SPART: variants seen among roughly 807,000 people sequenced by gnomAD.
SPART encodes the protein spartin.
SPART carries 35 observed loss-of-function variants against 58.7 expected under a neutral mutation model. The observed-to-expected ratio is 0.60, with a 90% CI of 0.46 to 0.79. The LOEUF (loss-of-function observed/expected upper bound fraction) is 0.79, where lower values mean the gene tolerates loss of function less well. Among genes scored for constraint, SPART ranks in the 30% least tolerant of loss-of-function variants. SPART has a pLI of 0.00. For synonymous variants in SPART, 284 were observed against 280.7 expected, an observed-to-expected ratio of 1.01 and a Z score of -0.12; for missense variants, 730 against 786.1, an observed-to-expected ratio of 0.93 and a Z score of 0.85.
At chr13:36,360,034 G>A (rs1243775112) in intron 1 of SPART, among the ~76,000 whole-genome samples, 3 of 151,766 alleles carry the variant, frequency 2.0e-5, no homozygotes, top group Admixed American at 2.0e-4. Flanking sequence ...GGTGGCTCAT[G>A]CCTGTAATCC....
chr13:36,322,164 G>C (rs1294122486), intron 5 of SPART, among the ~76,000 whole-genome samples: 2 of 152,162 alleles, frequency 1.3e-5, no homozygotes, highest in African/African-American at 4.8e-5. Context: ...AAGCCCGTTT[G>C]GTGGTCTCTT....
chr13:36,316,363 C>T (rs960933003), intron 5 of SPART, among the ~76,000 whole-genome samples: 2 of 152,232 alleles, frequency 1.3e-5, no homozygotes, highest in East Asian at 3.8e-4. Context: ...ATCGCATCCC[C>T]TGTGACTTGC....
In SPART at chr13:36,331,533, C is replaced by T. The variant is rs755913497; in HGVS notation, c.874G>A (p.Ala292Thr). 1 of 1,613,854 alleles carries T rather than the reference C, an allele frequency of 6.2e-7. No individual in the cohort carries two copies. Among genetic ancestry groups the T allele is most frequent in the African/African-American group, 1.3e-5 (1 of 74,850 alleles). Residue 292 changes from alanine (A) to threonine (T), a missense_variant, in exon 3 of 9, where the codon GCC becomes ACC. Coordinates refer to ENST00000438666, the MANE Select transcript of SPART (RefSeq NM_015087.5). ...RSPVLKCTAG[A>T]YMFPDTMLQA... is the part of the protein sequence containing the mutation. ...AGCATTGTATCAGGAAACATGTAGG[C>T]TCCCGCAGTACATTTCAGAACCGGA...
chr13:36,345,297 G>C (rs1318617390), intron 1 of SPART, among the ~76,000 whole-genome samples: 1 of 152,116 alleles, frequency 6.6e-6, no homozygotes, highest in African/African-American at 2.4e-5. Flanking sequence ...TTACAGAAAG[G>C]CTTCCTGTTT....
chr13:36,334,232 T>C (rs1286494288), intron 2 of SPART, among the ~76,000 whole-genome samples: 1 of 152,182 alleles, frequency 6.6e-6, no homozygotes, highest in Admixed American at 6.5e-5. Context: ...AGACTGTCAC[T>C]GGACCACTCT....
At chr13:36,361,928 T>G (rs1428999891) in intron 1 of SPART, among the ~76,000 whole-genome samples, 3 of 152,204 alleles carry the variant, frequency 2.0e-5, no homozygotes, top group African/African-American at 7.2e-5. Context: ...ATAAAAAGAT[T>G]TTATGCCTGT....
chr13:36,362,125 C>T (rs759033310), intron 1 of SPART, among the ~76,000 whole-genome samples: 13 of 151,876 alleles, frequency 8.6e-5, no homozygotes, highest in South Asian at 2.1e-4. Flanking sequence ...CTGAGATGGG[C>T]GGATCACCTG....
chr13:36,340,769 A>G (rs1884499714), intron 1 of SPART, among the ~76,000 whole-genome samples: 1 of 149,790 alleles, frequency 6.7e-6, no homozygotes, highest in African/African-American at 2.5e-5. Context: ...ATGTGATTGT[A>G]AGCTCTGAAA....
upstream of SPART, among the ~76,000 whole-genome samples, chr13:36,349,916 A>C (rs556534478): frequency 1.3e-5 from 2 of 152,258 alleles, no homozygotes; most frequent in Admixed American, 6.5e-5. Flanking sequence ...CAGCTTTTTT[A>C]AATTAGTAAT....
At chr13:36,367,134 G>C (rs1203361107) in intron 1 of SPART, among the ~76,000 whole-genome samples, 1 of 152,108 alleles carries the variant, frequency 6.6e-6, no homozygotes, top group Non-Finnish European at 1.5e-5. Flanking sequence ...GGAAGTTTTC[G>C]GTTTTTAAAG....
intron 1 of SPART, among the ~76,000 whole-genome samples, chr13:36,354,959 G>C (rs1185813868): frequency 6.6e-6 from 1 of 152,202 alleles, no homozygotes; most frequent in Non-Finnish European, 1.5e-5. Flanking sequence ...AGAAGACAAG[G>C]TAAAAGTAGA....
chr13:36,314,199 A>G (rs1222083871), intron 6 of SPART, 28 bp downstream of exon 6: 2 of 1,600,108 alleles, frequency 1.2e-6, no homozygotes, highest in African/African-American at 2.7e-5. Flanking sequence ...ATAACTTTAA[A>G]AAGTAAAGTT....
intron 1 of SPART, among the ~76,000 whole-genome samples, chr13:36,340,123 G>A (rs188101259): frequency 1.3e-5 from 2 of 151,768 alleles, no homozygotes; most frequent in Admixed American, 1.3e-4. Flanking sequence ...AAAAAAAGGG[G>A]AGGCTGAGGT....
rs141655143 is a variant in SPART, at chr13:36,355,984, G to C, written c.-3+14105C>G. Among the ~76,000 whole-genome samples, 1,362 of 152,308 alleles carry C rather than the reference G, an allele frequency of 8.9e-3. 24 individuals carry two copies. The highest frequency in any genetic ancestry group is 0.031 in the African/African-American group (1,299 of 41,558). ...AGAATATACACAAATCCTTTGGGAA[G>C]GCCTGAGGGTTTTTACATATAGTAC... On this transcript the variant is annotated intron_variant, in intron 1 of 8. Coordinates refer to the SPART transcript ENST00000355182.
rs555400465 is a variant in SPART, at chr13:36,341,277, G to A, written c.-3+4948C>T. Reference sequence around the variant, plus strand: ...CAACTATGTCAAACAGAACTGTAATGCAAGCCACATATGTAATTTATACTT... The same window carrying A: ...CAACTATGTCAAACAGAACTGTAATACAAGCCACATATGTAATTTATACTT... On this transcript the variant is annotated intron_variant, in intron 1 of 8. Transcript: ENST00000438666. Among the ~76,000 whole-genome samples, 5 of 152,244 alleles carry A rather than the reference G, an allele frequency of 3.3e-5. No individual in the cohort carries two copies. The East Asian group carries it at 7.7e-4, about 23-fold the overall frequency.
chr13:36,334,578 G>C (rs1231014409), intron 2 of SPART, among the ~76,000 whole-genome samples: 1 of 152,094 alleles, frequency 6.6e-6, no homozygotes, highest in Non-Finnish European at 1.5e-5. Context: ...TCTCTGGGGA[G>C]GCAAAACTAC....
intron 1 of SPART, among the ~76,000 whole-genome samples, chr13:36,368,028 G>A (rs1397754783): frequency 3.3e-5 from 5 of 152,120 alleles, no homozygotes; most frequent in African/African-American, 1.2e-4. Flanking sequence ...TCAAAAAAAG[G>A]ATTCAATATA....
chr13:36,316,605 T>C (rs1490903601), intron 5 of SPART, among the ~76,000 whole-genome samples: 1 of 151,850 alleles, frequency 6.6e-6, no homozygotes, highest in African/African-American at 2.4e-5. Flanking sequence ...CAAACCCCCT[T>C]TGACTGTAAT....
In SPART at chr13:36,335,283, T is replaced by C; in HGVS notation, c.548A>G (p.Tyr183Cys). 1 of 1,614,146 alleles carries C rather than the reference T, an allele frequency of 6.2e-7. No homozygotes were observed. Among genetic ancestry groups the C allele is most frequent in the South Asian group, 1.1e-5 (1 of 91,082 alleles). Residue 183 changes from tyrosine (Y) to cysteine (C), a missense_variant, in exon 2 of 9, where the codon TAC becomes TGC. Coordinates refer to ENST00000438666, the MANE Select transcript of SPART (RefSeq NM_015087.5). Reference protein sequence around the residue: ...AYTPQAAEGHYTVSYGTDSGE... With the variant: ...AYTPQAAEGHCTVSYGTDSGE... ...AGAATCTGTTCCATAGGATACAGTG[T>C]AGTGACCTTCAGCAGCTTGAGGAGT...
Sources: gnomAD v4.1 joint callset for allele counts (sites outside exome capture counted in the v4.1 genomes callset) on GRCh38, gnomAD v4.1.1 for gene constraint, MANE v1.5 for transcripts, NCBI Gene and HGNC (gene_info 2026-07-23, HGNC 2026-07-21) for gene names.